Variants in EFCAB6 observed in about 807,000 individuals in gnomAD.
The protein encoded by EFCAB6 is EF-hand calcium binding domain 6.
EFCAB6 carries 156 observed loss-of-function variants against 169.8 expected under a neutral mutation model. The observed-to-expected ratio is 0.92, with a 90% CI of 0.81 to 1.05. EFCAB6 has a LOEUF of 1.05. EFCAB6 is among the 50% of genes least tolerant of loss of function. The pLI is 0.00. For missense variants in EFCAB6, 1,800 were observed against 1,829.1 expected (o/e 0.98, Z 0.29); for synonymous variants, 698 against 676.4 (o/e 1.03, Z -0.50).
At chr22:43,588,425 C>T (rs1236574916) in intron 24 of EFCAB6, among the ~76,000 whole-genome samples, 2 of 151,984 alleles carry the variant, frequency 1.3e-5, no homozygotes, top group Admixed American at 1.3e-4. Context: ...AAAAGGAACA[C>T]ACAGAGAACT....
intron 10 of EFCAB6, among the ~76,000 whole-genome samples, chr22:43,689,210 G>C (rs146793987): frequency 6.6e-6 from 1 of 151,944 alleles, no homozygotes; most frequent in Non-Finnish European, 1.5e-5. Context: ...AATTTTGCGG[G>C]GGGGCGCAGG....
intron 6 of EFCAB6, among the ~76,000 whole-genome samples, chr22:43,745,463 C>T (rs533523266): frequency 7.9e-5 from 12 of 152,290 alleles, no homozygotes; most frequent in South Asian, 4.1e-4. Context: ...GCTCCTCACC[C>T]GGAGCCACTT....
At chr22:43,736,421 C>T (rs2060139854) in intron 6 of EFCAB6, among the ~76,000 whole-genome samples, 1 of 152,064 alleles carries the variant, frequency 6.6e-6, no homozygotes, top group Admixed American at 6.5e-5. Flanking sequence ...TATTTCAACC[C>T]CTCTAAATTT....
intron 2 of EFCAB6, among the ~76,000 whole-genome samples, chr22:43,804,061 C>G (rs1379696403): frequency 6.6e-6 from 1 of 152,052 alleles, no homozygotes; most frequent in Non-Finnish European, 1.5e-5. Flanking sequence ...CCAGAATAGA[C>G]CACATCTTAG....
At chr22:43,552,403 C>T (rs1315016247) in intron 27 of EFCAB6, 1 of 152,154 alleles carries the variant, frequency 6.6e-6, no homozygotes, top group East Asian at 1.9e-4. Context: ...GCTAAACTAA[C>T]TGACACTCCC....
chr22:43,618,910 CTT>C lies in EFCAB6; in HGVS notation c.2466-2990_2466-2989del, dbSNP rs11302149. Among the ~76,000 whole-genome samples, 831 of 145,522 alleles carry C rather than the reference CTT, an allele frequency of 5.7e-3. 3 individuals carry two copies. The highest frequency in any genetic ancestry group is 7.2e-3 in the Middle Eastern group (2 of 278). On this transcript the variant is annotated intron_variant, in intron 20 of 31. Transcript: ENST00000262726. ...AAATCCATGTTAATTTTCTCTCTCT[CTT>C]TTTTTTTTTTTCTTCTCTCACTAGG...
chr22:43,793,706 A>AGAGAAATTCAGCATTG (rs2062395582), intron 2 of EFCAB6, among the ~76,000 whole-genome samples: 1 of 151,756 alleles, frequency 6.6e-6, no homozygotes, highest in African/African-American at 2.4e-5. Context: ...GACTAACACT[A>AGAGAAATTCAGCATTG]CTCTGTGGGG....
At chr22:43,529,069 T>G (rs2046905865) in intron 31 of EFCAB6, 94 bp from the exon 32 acceptor site, 2 of 1,374,078 alleles carry the variant, frequency 1.5e-6, no homozygotes, top group Admixed American at 2.1e-5. Flanking sequence ...CACATCCACC[T>G]GATCCCCAAC....
intron 6 of EFCAB6, among the ~76,000 whole-genome samples, chr22:43,742,557 A>C (rs1307624973): frequency 6.6e-6 from 1 of 152,276 alleles, no homozygotes; most frequent in Non-Finnish European, 1.5e-5. Flanking sequence ...GCAACAGCTA[A>C]CTATGCCTTA....
intron 23 of EFCAB6, among the ~76,000 whole-genome samples, chr22:43,598,540 AC>A (rs1169385602): frequency 6.6e-6 from 1 of 152,132 alleles, no homozygotes; most frequent in Non-Finnish European, 1.5e-5. Flanking sequence ...ATTGTTACAT[AC>A]AATTTTATAA....
At chr22:43,784,668 TACATATATACAC>T (rs1425147417) in intron 2 of EFCAB6, among the ~76,000 whole-genome samples, 6 of 68,788 alleles carry the variant, frequency 8.7e-5, no homozygotes, top group South Asian at 4.6e-4. Flanking sequence ...TATATACATA[TACATATATACAC>T]ACACACACAC....
At chr22:43,781,759 G>A (rs112349986) in intron 3 of EFCAB6, among the ~76,000 whole-genome samples, 2,703 of 152,120 alleles carry the variant, frequency 0.018, 29 homozygotes, top group Non-Finnish European at 0.028. Context: ...TGTAACAAAT[G>A]TACCACAGTA....
At chr22:43,673,353 T>G (rs1484335132) in intron 13 of EFCAB6, among the ~76,000 whole-genome samples, 1 of 152,170 alleles carries the variant, frequency 6.6e-6, no homozygotes, top group African/African-American at 2.4e-5. Context: ...TTCTTAAAAT[T>G]TATAACTAAA....
At position 43,555,064 on chromosome 22, in the gene EFCAB6, T is replaced by A. The variant is rs772261121; in HGVS notation, c.3453A>T (p.Lys1151Asn). The A allele has an allele frequency of 1.4e-5, 23 of 1,614,216 alleles. No homozygotes were observed. The Admixed American group carries it at 3.8e-4, about 27-fold the overall frequency. ...TADEWAEKMPKGPPPTSPKAT... is the reference protein window; with the variant it reads ...TADEWAEKMPNGPPPTSPKAT... ...CCTTGGGAGAGGTAGGCGGCGGGCC[T>A]TTGGGCATTTTCTCAGCCCACTCAT... The change falls in exon 27 of 32, where the codon AAA becomes AAT. Residue 1151 changes from lysine (K) to asparagine (N), a missense_variant. Physicochemically the swap from Lys to Asn is moderately conservative, Grantham distance 94 (BLOSUM62 0). Transcript: ENST00000262726.
intron 23 of EFCAB6, among the ~76,000 whole-genome samples, chr22:43,590,742 CAAA>C (rs553431883): frequency 1.1e-4 from 9 of 80,084 alleles, no homozygotes; most frequent in Admixed American, 2.5e-4. Context: ...GTTTGAAGGC[CAAA>C]AAAAAAAAAA....
At position 43,667,225 on chromosome 22, in the gene EFCAB6, G is replaced by A. The variant is rs938286047; in HGVS notation, c.1862C>T (p.Thr621Ile). Residue 621 changes from threonine (T) to isoleucine (I), a missense_variant, in exon 17 of 32, where the codon ACA becomes ATA. Physicochemically the swap from Thr to Ile is moderately conservative, Grantham distance 89 (BLOSUM62 -1). Transcript: ENST00000262726. The part of the protein sequence containing the change: ...DKTTLTKKMT[T>I]EEVIEKFKKC... The stretch of plus-strand genomic sequence containing the variant: ...TTTGAATTTTTCAATCACTTCTTCT[G>A]TGGTCATCTTCTTGGTCAGGGTGGT... 2.5e-6 allele frequency: 4 copies of A among 1,614,050 alleles called. No homozygotes were observed. Among genetic ancestry groups the A allele is most frequent in the African/African-American group, 1.3e-5 (1 of 75,004 alleles).
rs201757709 is a variant in EFCAB6, at chr22:43,687,486, A to C, written c.1127T>G (p.Leu376Arg). 4.0e-5 allele frequency: 57 copies of C among 1,421,904 alleles called. No individual in the cohort carries two copies. The highest frequency in any genetic ancestry group is 5.2e-5 in the Non-Finnish European group (56 of 1,068,486). 88.1% of individuals were successfully genotyped at this position (1,421,904 alleles called of 1,614,324 possible). A position where few individuals can be genotyped will look rare whatever the true frequency, so the allele number is the denominator to read the frequency against. ...TTTTACATACCTATTTCTTTTTGTC[A>C]GGGGACCTTTACTGCTAACTTGCAA... is the stretch of plus-strand genomic sequence containing the variant. ...QGLQVSSKGP[L>R]TKRNSINSRN... Residue 376 changes from leucine (L) to arginine (R), a missense_variant, in exon 11 of 32, where the codon CTG (leucine) becomes CGG (arginine). Coordinates refer to ENST00000262726, the MANE Select transcript of EFCAB6 (RefSeq NM_022785.4).
Position 43,676,153 on chromosome 22 carries a change from C to CAA in EFCAB6, c.1419+1841_1419+1842dup, listed in dbSNP as rs1603156295. Among the ~76,000 whole-genome samples the CAA allele has an allele frequency of 2.0e-5, 3 of 151,994 alleles. No homozygotes were observed. In the East Asian group the frequency reaches 5.8e-4, roughly 29 times the overall value. On this transcript the variant is annotated intron_variant, in intron 13 of 31. Coordinates refer to ENST00000262726, the MANE Select transcript of EFCAB6 (RefSeq NM_022785.4). ...TGAGTTCAGGCCAGGCGCGGTGGCT[C>CAA]AAGCCTGTAATCCCAGCACCTTGGG...
intron 2 of EFCAB6, among the ~76,000 whole-genome samples, chr22:43,794,071 G>A (rs2062409253): frequency 6.6e-6 from 1 of 151,920 alleles, no homozygotes; most frequent in African/African-American, 2.4e-5. Flanking sequence ...GACTCTCTGG[G>A]GGATGGGGCC....
Sources: allele counts gnomAD v4.1 joint callset (sites outside exome capture counted in the v4.1 genomes callset), GRCh38; gene constraint gnomAD v4.1.1; transcripts MANE v1.5; gene names NCBI Gene and HGNC (gene_info 2026-07-23, HGNC 2026-07-21).